Variants in SNTG1 observed in about 807,000 individuals in gnomAD.
SNTG1 encodes syntrophin gamma 1.
Under a neutral mutation model 74.7 loss-of-function variants are expected in SNTG1, and 39 were observed. The ratio of observed to expected loss-of-function variants is 0.52; its 90% CI spans 0.40 to 0.68. The LOEUF is 0.68. Among genes scored for constraint, SNTG1 ranks in the 30% least tolerant of loss-of-function variants. The pLI is 0.00. For synonymous variants in SNTG1, 254 were observed against 217.1 expected, an observed-to-expected ratio of 1.17 and a Z score of -1.49; for missense variants, 685 against 609.5, an observed-to-expected ratio of 1.12 and a Z score of -1.30.
intron 16 of SNTG1, chr8:50,708,278 A>G (rs2095450825): frequency 6.5e-6 from 1 of 153,778 alleles, no homozygotes; most frequent in African/African-American, 2.4e-5. Flanking sequence ...GTTGATTTTT[A>G]AAGAATTATC....
intron 10 of SNTG1, 142 bp downstream of exon 10, chr8:50,530,401 A>G (rs1213324191): frequency 1.2e-6 from 1 of 832,754 alleles, no homozygotes; most frequent in Non-Finnish European, 1.9e-6. Context: ...AAGAAATGCA[A>G]AATAAATAGA....
intron 2 of SNTG1, among the ~76,000 whole-genome samples, chr8:50,263,476 C>A (rs914469549): frequency 6.6e-6 from 1 of 151,952 alleles, no homozygotes; most frequent in Non-Finnish European, 1.5e-5. Context: ...CTAGGAGACA[C>A]AACTTAGATT....
chr8:50,657,941 A>G (rs2095193799), intron 14 of SNTG1, among the ~76,000 whole-genome samples: 1 of 152,160 alleles, frequency 6.6e-6, no homozygotes, highest in African/African-American at 2.4e-5. Flanking sequence ...TGCAGGTCTA[A>G]TAATACATAA....
chr8:50,438,610 T>C lies in SNTG1; in HGVS notation c.219+11T>C, dbSNP rs757819742. 3.1e-6 allele frequency: 5 copies of C among 1,610,290 alleles called. No homozygotes were observed. Among genetic ancestry groups the C allele is most frequent in the East Asian group, 2.2e-5 (1 of 44,762 alleles). The stretch of plus-strand genomic sequence containing the variant: ...GGATTAAGCATAAAGGTAGCCTGCC[T>C]TTCTAGTCTATCCTTACAAAGGCCA... On this transcript the variant is annotated intron_variant, in intron 5 of 18. Transcript: ENST00000642720.
intron 9 of SNTG1, 125 bp downstream of exon 9, chr8:50,503,005 A>G: frequency 1.4e-6 from 1 of 705,250 alleles, no homozygotes. Flanking sequence ...ACATTTTTAT[A>G]TTACAAAGTG....
intron 1 of SNTG1, among the ~76,000 whole-genome samples, chr8:50,170,150 G>A (rs1270276152): frequency 2.6e-5 from 4 of 152,096 alleles, no homozygotes; most frequent in Non-Finnish European, 5.9e-5. Context: ...TAGAGACCAG[G>A]AGCGGACCAG....
chr8:50,227,625 T>C (rs1358102993), intron 2 of SNTG1, among the ~76,000 whole-genome samples: 1 of 152,012 alleles, frequency 6.6e-6, no homozygotes, highest in Non-Finnish European at 1.5e-5. Flanking sequence ...TCTCTGACCC[T>C]TCCCACTGCA....
rs12548777 is a variant in SNTG1, at chr8:50,120,093, C to T, written c.-102-52468C>T. Among the ~76,000 whole-genome samples, 16 of 141,706 alleles carry T rather than the reference C, an allele frequency of 1.1e-4. 2 individuals carry two copies. Among genetic ancestry groups the T allele is most frequent in the Admixed American group, 5.8e-4 (8 of 13,686 alleles). The allele number at this position is 141,706 out of a possible 152,430, so 93.0% of individuals were successfully genotyped here. ...CATTTACCTTGGACACATTGCATAA[C>T]ATCTGTCTTGTTATTTTTGTTTTCT... On this transcript the variant is annotated intron_variant, in intron 1 of 18. Coordinates refer to ENST00000642720, the MANE Select transcript of SNTG1 (RefSeq NM_018967.5).
chr8:50,593,586 T>C (rs2130888645), intron 13 of SNTG1, among the ~76,000 whole-genome samples: 1 of 152,208 alleles, frequency 6.6e-6, no homozygotes, highest in Admixed American at 6.5e-5. Flanking sequence ...ATAATCTTAG[T>C]TATTGCCTCC....
intron 2 of SNTG1, among the ~76,000 whole-genome samples, chr8:50,306,578 A>G (rs184105218): frequency 6.6e-6 from 1 of 152,102 alleles, no homozygotes; most frequent in Admixed American, 6.5e-5. Flanking sequence ...TGACTTTTTC[A>G]TATTAGCCAT....
intron 1 of SNTG1, among the ~76,000 whole-genome samples, chr8:49,941,842 G>A (rs555832859): frequency 1.3e-5 from 2 of 152,172 alleles, no homozygotes; most frequent in South Asian, 2.1e-4. Flanking sequence ...TTTCTCTCTC[G>A]CTTTTACCAT....
intron 1 of SNTG1, among the ~76,000 whole-genome samples, chr8:50,078,684 G>T (rs1016906278): frequency 6.6e-6 from 1 of 152,112 alleles, no homozygotes; most frequent in African/African-American, 2.4e-5. Flanking sequence ...CGTGCATTAG[G>T]TATTTGTCCT....
Position 50,708,892 on chromosome 8 carries a change from A to G in SNTG1, c.1198A>G (p.Thr400Ala), listed in dbSNP as rs747219223. 2.5e-6 allele frequency: 4 copies of G among 1,611,314 alleles called. No individual in the cohort carries two copies. In the East Asian group the frequency reaches 6.7e-5, roughly 27 times the overall value. The change falls in exon 17 of 19, where the codon ACC becomes GCC. Residue 400 changes from threonine to alanine, a missense_variant. Coordinates refer to ENST00000642720, the MANE Select transcript of SNTG1 (RefSeq NM_018967.5). ...FLEVERIQCK[T>A]YACVLESHLM... ...TACTTTCTGTTCTACCTAGTGCAAG[A>G]CCTATGCATGTGTGCTAGAAAGTCA...
chr8:50,288,323 A>G (rs996914657), intron 2 of SNTG1, among the ~76,000 whole-genome samples: 2 of 152,130 alleles, frequency 1.3e-5, no homozygotes, highest in African/African-American at 4.8e-5. Context: ...CAACTAACCT[A>G]CTCAAGTAAC....
intron 2 of SNTG1, among the ~76,000 whole-genome samples, chr8:50,219,735 C>T (rs1409793726): frequency 6.6e-6 from 1 of 152,140 alleles, no homozygotes; most frequent in Non-Finnish European, 1.5e-5. Flanking sequence ...TACCTCCCAC[C>T]ACTCATCCTC....
At chr8:50,721,562 A>T (rs1179038909) in intron 17 of SNTG1, among the ~76,000 whole-genome samples, 3 of 152,222 alleles carry the variant, frequency 2.0e-5, no homozygotes, top group African/African-American at 7.2e-5. Flanking sequence ...CCTCTATTTT[A>T]AGAAAGAAGT....
chr8:50,311,335 C>T (rs568749372), intron 2 of SNTG1, among the ~76,000 whole-genome samples: 4 of 152,198 alleles, frequency 2.6e-5, no homozygotes, highest in East Asian at 1.9e-4. Context: ...GGTTATGTTC[C>T]GTTGTAGACA....
intron 2 of SNTG1, among the ~76,000 whole-genome samples, chr8:50,364,720 T>G (rs2092058567): frequency 6.7e-6 from 1 of 150,370 alleles, no homozygotes; most frequent in African/African-American, 2.5e-5. Flanking sequence ...CCTTGAATTT[T>G]CATAAAAAAT....
chr8:50,647,295 A>G (rs1198622765), intron 13 of SNTG1, among the ~76,000 whole-genome samples: 1 of 152,150 alleles, frequency 6.6e-6, no homozygotes, highest in African/African-American at 2.4e-5. Flanking sequence ...CTGGAAGAAA[A>G]TATATGCAAA....
Sources: gnomAD v4.1 joint callset for allele counts (sites outside exome capture counted in the v4.1 genomes callset) on GRCh38, gnomAD v4.1.1 for gene constraint, MANE v1.5 for transcripts, NCBI Gene and HGNC (gene_info 2026-07-23, HGNC 2026-07-21) for gene names.